Variants in GCNT2 observed in about 807,000 individuals in gnomAD.
The protein encoded by GCNT2 is N-acetyllactosaminide beta-1,6-N-acetylglucosaminyl-transferase.
A neutral mutation model predicts 34.2 loss-of-function variants in GCNT2; 34 were observed. The ratio of observed to expected loss-of-function variants is 1.00; its 90% CI spans 0.76 to 1.32. The LOEUF (loss-of-function observed/expected upper bound fraction) is 1.32. Ranked by LOEUF, GCNT2 falls within the 40% of genes most tolerant of loss-of-function variation. The pLI is 0.00. For synonymous variants in GCNT2, 212 were observed against 188.0 expected (o/e 1.13, Z -1.04); for missense variants, 584 against 489.4 (o/e 1.19, Z -1.82).
rs115604799 is a variant in GCNT2, at chr6:10,583,370, G to A, written c.926-37981G>A. ...AGCTGTTCCAACTGGCACAAGCCCC[G>A]GCAGGTACGATTGCTAGGTGACTAC... is the stretch of plus-strand genomic sequence containing the variant. On this transcript the variant is annotated intron_variant, in intron 3 of 4. Transcript: ENST00000495262. Among the ~76,000 whole-genome samples, 534 of 152,244 alleles carry A rather than the reference G, an allele frequency of 3.5e-3. 5 individuals are homozygous for A. Among genetic ancestry groups the A allele is most frequent in the African/African-American group, 0.012 (506 of 41,542 alleles).
intron 3 of GCNT2, among the ~76,000 whole-genome samples, chr6:10,617,382 C>G (rs1196049651): frequency 1.3e-5 from 2 of 152,176 alleles, no homozygotes; most frequent in Non-Finnish European, 2.9e-5. Context: ...AGCCCTGGTT[C>G]CCGCCGGCGC....
At chr6:10,604,181 G>A (rs185420678) in intron 3 of GCNT2, among the ~76,000 whole-genome samples, 137 of 152,296 alleles carry the variant, frequency 9.0e-4, no homozygotes, top group African/African-American at 3.1e-3. Context: ...ACAGACGTGA[G>A]CCACCGCGCC....
At chr6:10,538,400 C>T (rs1414414005) in intron 3 of GCNT2, among the ~76,000 whole-genome samples, 1 of 102,404 alleles carries the variant, frequency 9.8e-6, no homozygotes, top group African/African-American at 4.4e-5. Context: ...AAGAGTGAGA[C>T]TCCGTCTCAA....
chr6:10,562,656 G>GAAAAA (rs57868433), intron 3 of GCNT2, among the ~76,000 whole-genome samples: 4 of 77,510 alleles, frequency 5.2e-5, no homozygotes, highest in African/African-American at 8.7e-5. Context: ...GAACTTCTCT[G>GAAAAA]AAAAAAAAAA....
intron 3 of GCNT2, among the ~76,000 whole-genome samples, chr6:10,607,474 C>T (rs1314118069): frequency 1.3e-5 from 2 of 152,134 alleles, no homozygotes; most frequent in African/African-American, 4.8e-5. Context: ...AACGCCCCCA[C>T]GATCCAATCA....
At chr6:10,576,909 AAAAAT>A (rs1381338033) in intron 3 of GCNT2, among the ~76,000 whole-genome samples, 1 of 151,600 alleles carries the variant, frequency 6.6e-6, no homozygotes, top group African/African-American at 2.4e-5. Flanking sequence ...CTCCATGTCT[AAAAAT>A]AATAACAATA....
chr6:10,626,206 A>AT (rs1275379826), intron 4 of GCNT2, among the ~76,000 whole-genome samples: 1 of 152,118 alleles, frequency 6.6e-6, no homozygotes, highest in South Asian at 2.1e-4. Context: ...TTTAACTCTC[A>AT]TTTTTTTCAA....
At chr6:10,548,033 G>T (rs1762341333) in intron 3 of GCNT2, among the ~76,000 whole-genome samples, 1 of 152,092 alleles carries the variant, frequency 6.6e-6, no homozygotes, top group African/African-American at 2.4e-5. Context: ...CACTTAACCT[G>T]CCCCAGTCTT....
intron 3 of GCNT2, among the ~76,000 whole-genome samples, chr6:10,593,789 C>T (rs756592514): frequency 6.6e-6 from 1 of 152,194 alleles, no homozygotes; most frequent in Non-Finnish European, 1.5e-5. Context: ...TAAATTATCT[C>T]TTGAAAATAC....
intron 3 of GCNT2, among the ~76,000 whole-genome samples, chr6:10,601,476 C>T (rs1293438518): frequency 6.6e-6 from 1 of 152,146 alleles, no homozygotes; most frequent in Non-Finnish European, 1.5e-5. Context: ...TCATGGTGAG[C>T]ATGCCACAAC....
chr6:10,549,356 T>C (rs1227189556), intron 3 of GCNT2, among the ~76,000 whole-genome samples: 1 of 152,164 alleles, frequency 6.6e-6, no homozygotes, highest in African/African-American at 2.4e-5. Context: ...ATATTTCATT[T>C]CTGTTGAGTA....
At chr6:10,621,525 G>A (rs890017694) in intron 4 of GCNT2, 82 bp downstream of exon 4, 2 of 856,878 alleles carry the variant, frequency 2.3e-6, no homozygotes, top group Admixed American at 3.8e-5. Flanking sequence ...GGTTCTCATG[G>A]AGAGAGAATT....
intron 3 of GCNT2, among the ~76,000 whole-genome samples, chr6:10,568,652 C>T (rs1461119665): frequency 1.3e-5 from 2 of 152,202 alleles, no homozygotes; most frequent in African/African-American, 2.4e-5. Context: ...GACATCTCAA[C>T]ATGGCAGGTT....
chr6:10,563,776 AAATATATAT>A (rs1290155583), intron 3 of GCNT2, among the ~76,000 whole-genome samples: 5 of 36,736 alleles, frequency 1.4e-4, no homozygotes, highest in South Asian at 1.8e-3. Flanking sequence ...AAAAAAAAAA[AAATATATAT>A]ATATATATAT....
intron 3 of GCNT2, among the ~76,000 whole-genome samples, chr6:10,587,372 T>C (rs1032602982): frequency 2.0e-5 from 3 of 152,214 alleles, no homozygotes; most frequent in African/African-American, 7.2e-5. Context: ...TTTAGAATCT[T>C]GGAAGCTGCT....
intron 3 of GCNT2, among the ~76,000 whole-genome samples, chr6:10,587,284 C>G (rs1459187342): frequency 6.6e-6 from 1 of 152,186 alleles, no homozygotes; most frequent in African/African-American, 2.4e-5. Context: ...TTCTTTCGGA[C>G]GGATGTTAGA....
chr6:10,620,030 A>G (rs191150062), intron 3 of GCNT2, among the ~76,000 whole-genome samples: 4 of 152,306 alleles, frequency 2.6e-5, no homozygotes, highest in Non-Finnish European at 4.4e-5. Flanking sequence ...GCTCACCCAG[A>G]TAATTCAGGA....
chr6:10,598,469 A>G (rs1388879366), intron 3 of GCNT2, among the ~76,000 whole-genome samples: 1 of 152,150 alleles, frequency 6.6e-6, no homozygotes, highest in Non-Finnish European at 1.5e-5. Flanking sequence ...TGGGCATTGA[A>G]TTTCTCTCTT....
At chr6:10,541,371 C>T (rs1421268720) in intron 3 of GCNT2, among the ~76,000 whole-genome samples, 1 of 152,194 alleles carries the variant, frequency 6.6e-6, no homozygotes, top group Non-Finnish European at 1.5e-5. Flanking sequence ...GCATAATATT[C>T]TATGGCGTAT....
Sources: gnomAD v4.1 joint callset for allele counts (sites outside exome capture counted in the v4.1 genomes callset) on GRCh38, gnomAD v4.1.1 for gene constraint, MANE v1.5 for transcripts, NCBI Gene and HGNC (gene_info 2026-07-23, HGNC 2026-07-21) for gene names.